The following ALG14 variants were observed in gnomAD, a reference collection of about 807,000 sequenced individuals.
The protein encoded by ALG14 is ALG14 UDP-N-acetylglucosaminyltransferase subunit, also known as UDP-N-acetylglucosamine transferase subunit ALG14.
A neutral mutation model predicts 22.8 loss-of-function variants in ALG14; 17 were observed. The observed-to-expected ratio is 0.75, with a 90% CI of 0.51 to 1.12. The LOEUF is 1.12. Ranked by LOEUF, ALG14 falls within the 50% of genes most tolerant of loss-of-function variation. ALG14 has a pLI of 0.00. For missense variants in ALG14, 288 were observed against 271.8 expected, an observed-to-expected ratio of 1.06 and a Z score of -0.42; for synonymous variants, 89 against 103.7, an observed-to-expected ratio of 0.86 and a Z score of 0.86.
At position 94,983,230 on chromosome 1, in the gene ALG14, T is replaced by G; in HGVS notation, c.497A>C (p.Lys166Thr). 6.2e-7 allele frequency: 1 copy of G among 1,614,142 alleles called. No individual in the cohort carries two copies. Among genetic ancestry groups the G allele is most frequent in the Non-Finnish European group, 8.5e-7 (1 of 1,180,020 alleles). The part of the protein sequence containing the change: ...ALLLGILGIK[K>T]VIIVYVESIC... ...GCTTTCAACGTAGACAATGATCACTTTCTTTATTCCTAGTATCCCAAGGAG... is the reference window on the plus strand; with the variant it reads ...GCTTTCAACGTAGACAATGATCACTGTCTTTATTCCTAGTATCCCAAGGAG... Residue 166 changes from lysine (K) to threonine (T), a missense_variant, in exon 4 of 4, where the codon AAA becomes ACA. By Grantham distance (78) the Lys-to-Thr change is moderately conservative (BLOSUM62 -1). Transcript: ENST00000370205.
intron 2 of ALG14, among the ~76,000 whole-genome samples, chr1:95,059,397 CA>C (rs67569341): frequency 0.096 from 7,493 of 77,952 alleles, 63 homozygotes; most frequent in Non-Finnish European, 0.12. Flanking sequence ...GACTCTGTCT[CA>C]AAAAAAAAAA....
At chr1:95,072,678 A>G (rs946981078) in intron 1 of ALG14, 85 bp downstream of exon 1, 4 of 1,544,134 alleles carry the variant, frequency 2.6e-6, no homozygotes, top group Non-Finnish European at 3.5e-6. Flanking sequence ...AAGAAGTGCT[A>G]AGGGTACCAG....
At chr1:95,053,894 A>G (rs968191319) in intron 2 of ALG14, among the ~76,000 whole-genome samples, 6 of 152,242 alleles carry the variant, frequency 3.9e-5, no homozygotes, top group South Asian at 4.1e-4. Flanking sequence ...ACTCAAACAT[A>G]CTAGGCTACA....
At chr1:95,049,655 T>C (rs891709915) in intron 2 of ALG14, among the ~76,000 whole-genome samples, 6 of 152,154 alleles carry the variant, frequency 3.9e-5, no homozygotes, top group African/African-American at 1.4e-4. Flanking sequence ...GCAGATCATT[T>C]GAGCTCAAGA....
At chr1:95,056,320 TC>T (rs1261438735) in intron 2 of ALG14, among the ~76,000 whole-genome samples, 3 of 152,084 alleles carry the variant, frequency 2.0e-5, no homozygotes, top group Non-Finnish European at 4.4e-5. Flanking sequence ...CAGAAAGAAA[TC>T]AATTCCAGAT....
chr1:95,037,235 T>G (rs536000592), intron 2 of ALG14, among the ~76,000 whole-genome samples: 55 of 152,288 alleles, frequency 3.6e-4, no homozygotes, highest in Non-Finnish European at 6.8e-4. Context: ...GGTTTGGTGG[T>G]ATTTGCCTCC....
chr1:95,008,384 A>G (rs1023309441), intron 3 of ALG14, among the ~76,000 whole-genome samples: 2 of 152,220 alleles, frequency 1.3e-5, no homozygotes, highest in Non-Finnish European at 2.9e-5. Flanking sequence ...ACCTCTAGTG[A>G]GATAAGCTTA....
At chr1:95,031,601 C>T (rs146593416) in intron 2 of ALG14, among the ~76,000 whole-genome samples, 62 of 152,290 alleles carry the variant, frequency 4.1e-4, no homozygotes, top group Admixed American at 9.1e-4. Flanking sequence ...GTAGCATATC[C>T]GTTCTCCTCA....
intron 3 of ALG14, among the ~76,000 whole-genome samples, chr1:94,999,177 G>A (rs1433787460): frequency 4.6e-5 from 7 of 151,518 alleles, no homozygotes; most frequent in African/African-American, 1.7e-4. Context: ...TACAAAGAGA[G>A]AGCTTGTCCC....
At chr1:95,013,341 A>ATTTT (rs1200009159) in intron 3 of ALG14, among the ~76,000 whole-genome samples, 1 of 147,144 alleles carries the variant, frequency 6.8e-6, no homozygotes, top group African/African-American at 2.5e-5. Context: ...TGATTTATTT[A>ATTTT]TTTTTTTTTT....
intron 3 of ALG14, among the ~76,000 whole-genome samples, chr1:95,025,148 T>C (rs1673774414): frequency 6.6e-6 from 1 of 152,206 alleles, no homozygotes; most frequent in African/African-American, 2.4e-5. Context: ...ATTAATCTCC[T>C]TGTATATCTC....
chr1:95,006,495 G>A (rs1291436090), intron 3 of ALG14, among the ~76,000 whole-genome samples: 3 of 152,190 alleles, frequency 2.0e-5, no homozygotes, highest in Admixed American at 6.5e-5. Flanking sequence ...GAGGTAAAAA[G>A]TAAAAGGGAG....
At chr1:95,033,448 CAT>C (rs1553229140) in intron 2 of ALG14, among the ~76,000 whole-genome samples, 3 of 146,322 alleles carry the variant, frequency 2.1e-5, no homozygotes, top group East Asian at 2.0e-4. Context: ...CACACACATA[CAT>C]ATATATACAC....
chr1:95,052,208 A>AAAT (rs1674772694), intron 2 of ALG14, among the ~76,000 whole-genome samples: 1 of 152,366 alleles, frequency 6.6e-6, no homozygotes, highest in African/African-American at 2.4e-5. Context: ...GGAACGAATG[A>AAAT]AATACATACC....
At chr1:95,003,383 A>T (rs917430747) in intron 3 of ALG14, among the ~76,000 whole-genome samples, 2 of 151,738 alleles carry the variant, frequency 1.3e-5, no homozygotes, top group Non-Finnish European at 2.9e-5. Context: ...ATAATATTCC[A>T]CAGTGGTTGT....
At chr1:94,986,929 C>T (rs4303081) in intron 3 of ALG14, among the ~76,000 whole-genome samples, 3,392 of 152,214 alleles carry the variant, frequency 0.022, 133 homozygotes, top group African/African-American at 0.078. Context: ...ATCAGAGCAT[C>T]GAATTCCCCT....
intron 3 of ALG14, among the ~76,000 whole-genome samples, chr1:94,991,284 C>T (rs1045370385): frequency 1.3e-5 from 2 of 152,180 alleles, no homozygotes; most frequent in African/African-American, 4.8e-5. Flanking sequence ...AATGGGGATA[C>T]TTTCTGAGAA....
intron 1 of ALG14, among the ~76,000 whole-genome samples, chr1:95,071,565 T>C (rs894577952): frequency 6.6e-6 from 1 of 152,102 alleles, no homozygotes; most frequent in African/African-American, 2.4e-5. Context: ...AGCAAGATTT[T>C]AAATACTCTT....
intron 2 of ALG14, among the ~76,000 whole-genome samples, chr1:95,053,343 C>T (rs1443136701): frequency 6.6e-6 from 1 of 151,826 alleles, no homozygotes; most frequent in Non-Finnish European, 1.5e-5. Flanking sequence ...TAATTCACTA[C>T]ATAGAATCAA....
Sources: gnomAD v4.1 joint callset for allele counts (sites outside exome capture counted in the v4.1 genomes callset) on GRCh38, gnomAD v4.1.1 for gene constraint, MANE v1.5 for transcripts, NCBI Gene and HGNC (gene_info 2026-07-23, HGNC 2026-07-21) for gene names.